PRKCE: variants seen among roughly 807,000 people sequenced by gnomAD.
PRKCE encodes the protein protein kinase C epsilon.
PRKCE carries 16 observed loss-of-function variants against 85.4 expected under a neutral mutation model. The ratio of observed to expected loss-of-function variants is 0.19; its 90% CI spans 0.13 to 0.28. The LOEUF is 0.28. PRKCE is among the 10% of genes least tolerant of loss of function. The pLI is 1.00. For missense variants in PRKCE, 573 were observed against 975.2 expected, an observed-to-expected ratio of 0.59 and a Z score of 5.49; for synonymous variants, 388 against 371.5, an observed-to-expected ratio of 1.04 and a Z score of -0.51.
intron 2 of PRKCE, among the ~76,000 whole-genome samples, chr2:45,965,834 T>A (rs760915659): frequency 3.3e-5 from 5 of 152,208 alleles, no homozygotes. Flanking sequence ...TCGACATGTT[T>A]CTTAGTTTTC....
rs1685585845 is a variant in PRKCE, at chr2:45,774,378, G to A, written c.349-68622G>A. On this transcript the variant is annotated intron_variant, in intron 1 of 14. Coordinates refer to ENST00000306156, the MANE Select transcript of PRKCE (RefSeq NM_005400.3). This position sits in a 1 kb window ranked among gnomAD's most constrained non-coding sequence, Gnocchi z 4.3. Reference sequence around the variant, plus strand: ...CTCACTAAATAGGTGTTGAACGGAGGTGTGAACCCAGGATGAGGCAGAGTC... The same window carrying A: ...CTCACTAAATAGGTGTTGAACGGAGATGTGAACCCAGGATGAGGCAGAGTC... Among the ~76,000 whole-genome samples, 1 of 152,176 alleles carries A rather than the reference G, an allele frequency of 6.6e-6. No individual in the cohort carries two copies. Among genetic ancestry groups the A allele is most frequent in the African/African-American group, 2.4e-5 (1 of 41,434 alleles).
chr2:45,944,832 C>A (rs1427521526), intron 2 of PRKCE, among the ~76,000 whole-genome samples: 1 of 152,006 alleles, frequency 6.6e-6, no homozygotes, highest in Non-Finnish European at 1.5e-5. Context: ...AACACAAAAA[C>A]CTCAAGTGAC....
At chr2:46,106,142 A>T (rs1201557823) in intron 11 of PRKCE, among the ~76,000 whole-genome samples, 1 of 152,200 alleles carries the variant, frequency 6.6e-6, no homozygotes, top group Non-Finnish European at 1.5e-5. Context: ...TTATTGAAAA[A>T]AATCCATGTA....
At chr2:45,935,982 T>A (rs1021578134) in intron 2 of PRKCE, among the ~76,000 whole-genome samples, 1 of 152,138 alleles carries the variant, frequency 6.6e-6, no homozygotes, top group African/African-American at 2.4e-5. Flanking sequence ...TGGTCCCTGG[T>A]CTGTCCCCTG....
chr2:46,141,593 G>A (rs796154382), intron 11 of PRKCE, among the ~76,000 whole-genome samples: 10 of 152,170 alleles, frequency 6.6e-5, no homozygotes, highest in African/African-American at 2.4e-4. Flanking sequence ...ACCTATTGAA[G>A]AAAAATTGAA....
At chr2:46,085,736 G>GTTTTTTTTTTTTTTTTT (rs1170933914) in intron 10 of PRKCE, among the ~76,000 whole-genome samples, 4 of 104,564 alleles carry the variant, frequency 3.8e-5, no homozygotes, top group African/African-American at 4.4e-5. Flanking sequence ...TGCAAAATCC[G>GTTTTTTTTTTTTTTTTT]TTTTTTTTTT....
rs560813240 is a variant in PRKCE, at chr2:45,802,629, G to A, written c.349-40371G>A. ...ACACTATTAAAAGCAAATGGAGTAA[G>A]CCCTCCAGGGAAGTCAGTCACTTTA... On this transcript the variant is annotated intron_variant, in intron 1 of 14. Coordinates refer to ENST00000306156, the MANE Select transcript of PRKCE (RefSeq NM_005400.3). Among the ~76,000 whole-genome samples the A allele has an allele frequency of 6.1e-4, 93 of 152,320 alleles. 2 individuals are homozygous for A. In the South Asian group the frequency reaches 0.019, roughly 31 times the overall value.
intron 10 of PRKCE, among the ~76,000 whole-genome samples, chr2:46,031,322 T>G (rs1707496517): frequency 6.6e-6 from 1 of 152,212 alleles, no homozygotes; most frequent in Non-Finnish European, 1.5e-5. Flanking sequence ...GGCATGTGAA[T>G]TCCTGCCTGT....
chr2:46,144,224 G>T (rs1197472959), intron 11 of PRKCE, among the ~76,000 whole-genome samples: 1 of 152,126 alleles, frequency 6.6e-6, no homozygotes, highest in Non-Finnish European at 1.5e-5. Context: ...GGCTCTGTGG[G>T]TCCAGGTGAT....
At chr2:45,853,645 C>T (rs935269492) in intron 2 of PRKCE, among the ~76,000 whole-genome samples, 1 of 152,170 alleles carries the variant, frequency 6.6e-6, no homozygotes, top group Non-Finnish European at 1.5e-5. Context: ...ATAATTTTTA[C>T]TTGCTGGATA....
chr2:46,160,211 G>A (rs1203751565), intron 14 of PRKCE, among the ~76,000 whole-genome samples: 3 of 152,202 alleles, frequency 2.0e-5, no homozygotes, highest in African/African-American at 7.2e-5. Flanking sequence ...CTGGCAGCAG[G>A]AAGGATGGTG....
intron 2 of PRKCE, among the ~76,000 whole-genome samples, chr2:45,902,880 G>C (rs1573812421): frequency 6.6e-6 from 1 of 152,308 alleles, no homozygotes; most frequent in East Asian, 1.9e-4. Flanking sequence ...TAGTGCTTGA[G>C]TGAGCACTGG....
chr2:46,039,183 G>T (rs569605731), intron 10 of PRKCE, among the ~76,000 whole-genome samples: 35 of 152,304 alleles, frequency 2.3e-4, no homozygotes, highest in South Asian at 1.9e-3. Context: ...AGGATTAAAT[G>T]AGTGGATGCA....
chr2:46,129,811 G>A (rs75318255), intron 11 of PRKCE, among the ~76,000 whole-genome samples: 2,836 of 152,346 alleles, frequency 0.019, 30 homozygotes, highest in Non-Finnish European at 0.028. Context: ...TGTAAGACTC[G>A]CTGGGAAATG....
At chr2:45,678,915 C>T (rs1676676530) in intron 1 of PRKCE, among the ~76,000 whole-genome samples, 1 of 152,068 alleles carries the variant, frequency 6.6e-6, no homozygotes, top group Non-Finnish European at 1.5e-5. Flanking sequence ...CTTGTTGAGG[C>T]CTAGACGAGT....
At chr2:46,084,646 A>C (rs990623976) in intron 10 of PRKCE, among the ~76,000 whole-genome samples, 4 of 149,256 alleles carry the variant, frequency 2.7e-5, no homozygotes, top group African/African-American at 9.9e-5. Context: ...CGCTTGAACC[A>C]GGGAGTCAGA....
rs79395245 is a variant in PRKCE at position 45,926,505 on chromosome 2, C to T, written c.413-49924C>T. Among the ~76,000 whole-genome samples the T allele has an allele frequency of 1.2e-4, 18 of 152,198 alleles. No homozygotes were observed. The South Asian group carries it at 2.3e-3, about 19-fold the overall frequency. The stretch of plus-strand genomic sequence containing the variant: ...AAAGAGGAGGGGATGTTGCCCTTAA[C>T]GTAGTACTGGCATATTACATAGCTC... On this transcript the variant is annotated intron_variant, in intron 2 of 14. Coordinates refer to ENST00000306156, the MANE Select transcript of PRKCE (RefSeq NM_005400.3).
intron 1 of PRKCE, chr2:45,677,124 G>C (rs1181522535): frequency 1.3e-5 from 2 of 151,834 alleles, no homozygotes; most frequent in Admixed American, 6.6e-5. Flanking sequence ...ACTGTGGGGG[G>C]TGGGAGTAGG....
chr2:45,786,515 C>A lies in PRKCE; in HGVS notation c.349-56485C>A, dbSNP rs935227098. On this transcript the variant is annotated intron_variant, in intron 1 of 14. Coordinates refer to ENST00000306156, the MANE Select transcript of PRKCE (RefSeq NM_005400.3). The surrounding 1 kb of genome is among the most constrained non-coding windows in gnomAD (Gnocchi z 5.3). ...ATCTTTAGTTTCCATCTGCACACTA[C>A]CTAATTCACTTCAACAAGACCTGAA... Among the ~76,000 whole-genome samples, 3 of 152,232 alleles carry A rather than the reference C, an allele frequency of 2.0e-5. No individual in the cohort carries two copies. In the East Asian group the frequency reaches 5.8e-4, roughly 29 times the overall value.
Sources: allele counts gnomAD v4.1 joint callset (sites outside exome capture counted in the v4.1 genomes callset), GRCh38; gene constraint gnomAD v4.1.1; non-coding constraint Gnocchi (gnomAD v3.1); transcripts MANE v1.5; gene names NCBI Gene and HGNC (gene_info 2026-07-23, HGNC 2026-07-21).